Variants in LMBRD1 observed in about 807,000 individuals in gnomAD.
LMBRD1 encodes LMBR1 domain containing 1.
A neutral mutation model predicts 74.8 loss-of-function variants in LMBRD1; 64 were observed. The observed-to-expected ratio is 0.86, with a 90% CI of 0.70 to 1.05. LMBRD1 has a LOEUF of 1.05. Among genes scored for constraint, LMBRD1 ranks in the 50% least tolerant of loss-of-function variants. The pLI is 0.00. For missense variants in LMBRD1, 652 were observed against 645.9 expected, an observed-to-expected ratio of 1.01 and a Z score of -0.10; for synonymous variants, 204 against 216.3, an observed-to-expected ratio of 0.94 and a Z score of 0.50.
Position 69,719,881 on chromosome 6 carries a change from CCT to C in LMBRD1, c.637-802_637-801del, listed in dbSNP as rs1252262382. ...TTCTGGCACACTTTACCCCGTGCCC[CCT>C]GTTAGATGGGCCATGAGATTGAGTT... is the stretch of plus-strand genomic sequence containing the variant. On this transcript the variant is annotated intron_variant, in intron 7 of 15. Coordinates refer to ENST00000649934, the MANE Select transcript of LMBRD1 (RefSeq NM_018368.4). Among the ~76,000 whole-genome samples, 12 of 152,186 alleles carry C rather than the reference CCT, an allele frequency of 7.9e-5. No homozygotes were observed. In the East Asian group the frequency reaches 1.2e-3, roughly 15 times the overall value.
chr6:69,702,293 AC>A (rs1766150981), intron 9 of LMBRD1, among the ~76,000 whole-genome samples: 1 of 151,860 alleles, frequency 6.6e-6, no homozygotes, highest in African/African-American at 2.4e-5. Flanking sequence ...ACAGACACAC[AC>A]ACACACACAC....
At chr6:69,734,727 G>A (rs1355051874) in intron 7 of LMBRD1, among the ~76,000 whole-genome samples, 17 of 152,158 alleles carry the variant, frequency 1.1e-4, no homozygotes, top group Non-Finnish European at 2.9e-5. Flanking sequence ...ACTAATTGAC[G>A]TAAACAAAAG....
chr6:69,778,644 C>G (rs867896810), intron 3 of LMBRD1, among the ~76,000 whole-genome samples: 37 of 152,190 alleles, frequency 2.4e-4, no homozygotes, highest in Middle Eastern at 3.4e-3. Flanking sequence ...GACCTCCCCC[C>G]CTAAAACTTT....
chr6:69,765,057 C>A (rs1304928467), intron 3 of LMBRD1, among the ~76,000 whole-genome samples: 1 of 151,580 alleles, frequency 6.6e-6, no homozygotes, highest in Non-Finnish European at 1.5e-5. Context: ...AGCCTCCCCA[C>A]ATAGCTGAGA....
intron 3 of LMBRD1, among the ~76,000 whole-genome samples, chr6:69,753,724 T>C (rs779465369): frequency 3.3e-5 from 5 of 151,998 alleles, no homozygotes; most frequent in African/African-American, 4.8e-5. Context: ...CAAAATGTGG[T>C]ATACAGGAGA....
intron 7 of LMBRD1, among the ~76,000 whole-genome samples, chr6:69,736,768 C>G (rs764617844): frequency 6.6e-6 from 1 of 152,062 alleles, no homozygotes; most frequent in Non-Finnish European, 1.5e-5. Flanking sequence ...AGGACAAACC[C>G]AAGATTAGCA....
intron 1 of LMBRD1, among the ~76,000 whole-genome samples, chr6:69,792,570 C>A (rs1766109883): frequency 6.6e-6 from 1 of 152,074 alleles, no homozygotes. Flanking sequence ...TTGGAACAAA[C>A]AAACAAAAAG....
intron 5 of LMBRD1, among the ~76,000 whole-genome samples, chr6:69,748,105 TTATAAATAAA>T (rs1474973627): frequency 2.0e-5 from 3 of 152,224 alleles, no homozygotes; most frequent in Admixed American, 6.5e-5. Context: ...CTGCCTGTGT[TTATAAATAAA>T]GTTTTCCTAG....
chr6:69,674,966 T>C lies in LMBRD1; in HGVS notation c.*1192A>G. On this transcript the variant is annotated 3_prime_UTR_variant, in exon 16 of 16. Coordinates refer to ENST00000649934, the MANE Select transcript of LMBRD1 (RefSeq NM_018368.4). Reference sequence around the variant, plus strand: ...CCAGCCTGGGCGACAAGAGTGAAACTCCATCTTAAAAAAAAAGAAAAAAGA... The same window carrying C: ...CCAGCCTGGGCGACAAGAGTGAAACCCCATCTTAAAAAAAAAGAAAAAAGA... 6.6e-6 allele frequency among the ~76,000 whole-genome samples: 1 copy of C among 151,260 alleles called. No individual in the cohort carries two copies. Among genetic ancestry groups the C allele is most frequent in the South Asian group, 2.1e-4 (1 of 4,796 alleles).
intron 3 of LMBRD1, among the ~76,000 whole-genome samples, chr6:69,764,409 A>G (rs1765438169): frequency 6.6e-6 from 1 of 152,160 alleles, no homozygotes; most frequent in Non-Finnish European, 1.5e-5. Context: ...GCATGGAAGA[A>G]GGCCTTCATT....
chr6:69,782,395 T>C (rs1765855664), intron 2 of LMBRD1, among the ~76,000 whole-genome samples: 2 of 152,332 alleles, frequency 1.3e-5, no homozygotes, highest in South Asian at 2.1e-4. Flanking sequence ...ACTCAGCTCA[T>C]ATTCTTTGGC....
At chr6:69,783,508 G>A (rs1330585431) in intron 2 of LMBRD1, among the ~76,000 whole-genome samples, 1 of 152,102 alleles carries the variant, frequency 6.6e-6, no homozygotes, top group East Asian at 1.9e-4. Context: ...CCAAGTAGCT[G>A]GGACCACAGG....
At chr6:69,684,179 A>G (rs9354878) in intron 14 of LMBRD1, among the ~76,000 whole-genome samples, 130,954 of 151,890 alleles carry the variant, frequency 0.86, 56,853 homozygotes, top group African/African-American at 0.96. Flanking sequence ...AAATAAGGAC[A>G]CTTGAAAAGA....
At chr6:69,768,224 A>G (rs915559447) in intron 3 of LMBRD1, among the ~76,000 whole-genome samples, 8 of 151,864 alleles carry the variant, frequency 5.3e-5, no homozygotes, top group Non-Finnish European at 1.0e-4. Context: ...GCCATTTTAT[A>G]CTTTATTATG....
At chr6:69,747,197 G>A (rs2149874786) in intron 5 of LMBRD1, among the ~76,000 whole-genome samples, 1 of 152,198 alleles carries the variant, frequency 6.6e-6, no homozygotes, top group South Asian at 2.1e-4. Context: ...CCATGGCATT[G>A]GTGAGGAAGA....
intron 5 of LMBRD1, among the ~76,000 whole-genome samples, chr6:69,745,322 A>C (rs1179760558): frequency 1.4e-5 from 2 of 146,692 alleles, no homozygotes; most frequent in Non-Finnish European, 3.0e-5. Context: ...GCAGTGGCGC[A>C]ATCTCGGCTC....
Position 69,796,864 on chromosome 6 carries a change from C to T in LMBRD1, c.18G>A (p.Ala6=), listed in dbSNP as rs149650795. 6.2e-7 allele frequency: 1 copy of T among 1,613,984 alleles called. No homozygotes were observed. Among genetic ancestry groups the T allele is most frequent in the African/African-American group, 1.3e-5 (1 of 74,896 alleles). Residue 6 remains alanine (A), a synonymous_variant, in exon 1 of 16, where the codon GCG becomes GCA. Transcript: ENST00000649934. MATSG[A]ASAELVIGWC... is the part of the protein sequence containing the mutation. ...AGCCGATCACCAGCTCCGCCGAGGC[C>T]GCGCCAGAAGTCGCCATCTTCGCTT...
chr6:69,774,349 T>A (rs1196779329), intron 3 of LMBRD1, among the ~76,000 whole-genome samples: 9 of 152,186 alleles, frequency 5.9e-5, no homozygotes. Context: ...TTACCCAGTC[T>A]TGGGTATGTC....
chr6:69,676,888 AG>A (rs911694676), intron 14 of LMBRD1, among the ~76,000 whole-genome samples: 5 of 152,208 alleles, frequency 3.3e-5, no homozygotes, highest in African/African-American at 7.2e-5. Flanking sequence ...ACAAAAAAAA[AG>A]TTTTCCTGAT....
Sources: allele counts gnomAD v4.1 joint callset (sites outside exome capture counted in the v4.1 genomes callset), GRCh38; gene constraint gnomAD v4.1.1; transcripts MANE v1.5; gene names NCBI Gene and HGNC (gene_info 2026-07-23, HGNC 2026-07-21).